Variants in STK3 observed in about 807,000 individuals in gnomAD.
The protein encoded by STK3 is serine/threonine kinase 3.
STK3 carries 41 observed loss-of-function variants against 58.0 expected under a neutral mutation model. The observed-to-expected ratio is 0.71, with a 90% CI of 0.55 to 0.92. STK3 has a LOEUF of 0.92. Ranked by LOEUF, STK3 falls within the 40% of genes least tolerant of loss-of-function variation. STK3 has a pLI of 0.00. For synonymous variants in STK3, 170 were observed against 191.0 expected, an observed-to-expected ratio of 0.89 and a Z score of 0.91; for missense variants, 479 against 602.7, an observed-to-expected ratio of 0.79 and a Z score of 2.15.
At chr8:98,590,462 G>T (rs768596288) in intron 7 of STK3, among the ~76,000 whole-genome samples, 1 of 152,298 alleles carries the variant, frequency 6.6e-6, no homozygotes, top group Non-Finnish European at 1.5e-5. Context: ...GAGTTCCAGG[G>T]GCTCTGGGAG....
At chr8:98,508,580 A>G (rs149305375) in intron 10 of STK3, among the ~76,000 whole-genome samples, 11 of 152,330 alleles carry the variant, frequency 7.2e-5, no homozygotes, top group African/African-American at 2.6e-4. Context: ...AAAACTGTAT[A>G]TGTACTAAAC....
intron 4 of STK3, among the ~76,000 whole-genome samples, chr8:98,716,523 A>T (rs988040418): frequency 1.3e-5 from 2 of 152,116 alleles, no homozygotes; most frequent in African/African-American, 2.4e-5. Context: ...CTGAAAAAAA[A>T]TTTTAGGACA....
intron 10 of STK3, among the ~76,000 whole-genome samples, chr8:98,484,447 C>T (rs527943097): frequency 8.6e-5 from 13 of 151,908 alleles, no homozygotes; most frequent in Non-Finnish European, 1.5e-4. Context: ...ACTCTGAACC[C>T]CCAGCTACCA....
At chr8:98,631,718 G>A (rs1396217164) in intron 6 of STK3, among the ~76,000 whole-genome samples, 1 of 152,112 alleles carries the variant, frequency 6.6e-6, no homozygotes, top group African/African-American at 2.4e-5. Context: ...AGGCTAGAGG[G>A]CAGTGGCACG....
At chr8:98,578,651 CTG>C (rs761121582) in intron 8 of STK3, among the ~76,000 whole-genome samples, 4 of 152,126 alleles carry the variant, frequency 2.6e-5, no homozygotes, top group Admixed American at 1.3e-4. Flanking sequence ...TATACAGAAA[CTG>C]TAAGATTTTT....
chr8:98,875,205 T>G (rs1837524519), intron 3 of STK3: 1 of 152,204 alleles, frequency 6.6e-6, no homozygotes, highest in Non-Finnish European at 1.5e-5. Flanking sequence ...TTCCCATCAA[T>G]AGACCCAGAC....
intron 1 of STK3, among the ~76,000 whole-genome samples, chr8:98,885,479 G>A (rs778643343): frequency 1.9e-4 from 29 of 152,156 alleles, no homozygotes; most frequent in Non-Finnish European, 3.4e-4. Flanking sequence ...CATTCTTGTT[G>A]CCCAGGCTGG....
chr8:98,728,632 G>C (rs1050728947), intron 4 of STK3, among the ~76,000 whole-genome samples: 1 of 152,108 alleles, frequency 6.6e-6, no homozygotes, highest in African/African-American at 2.4e-5. Context: ...CTGAAAAAGA[G>C]ATCAGAAGAC....
At chr8:98,774,528 T>C (rs1831533061) in intron 2 of STK3, among the ~76,000 whole-genome samples, 2 of 151,848 alleles carry the variant, frequency 1.3e-5, no homozygotes, top group Non-Finnish European at 1.5e-5. Flanking sequence ...TTTTCCCTTA[T>C]ATATATATAT....
At chr8:98,355,542 G>A in the STK3 span, among the ~76,000 whole-genome samples, 1 of 152,260 alleles carries the variant, frequency 6.6e-6, no homozygotes, top group African/African-American at 2.4e-5. Flanking sequence ...ATCTCTATGA[G>A]AAGTTTGGGT....
At chr8:98,400,927 C>T (rs1221439887), downstream of STK3, among the ~76,000 whole-genome samples, 2 of 152,126 alleles carry the variant, frequency 1.3e-5, no homozygotes, top group African/African-American at 4.8e-5. Flanking sequence ...TATGTTCATT[C>T]CAGAACTTTG....
intron 8 of STK3, among the ~76,000 whole-genome samples, chr8:98,567,712 G>A (rs1011123877): frequency 2.0e-5 from 3 of 151,892 alleles, no homozygotes; most frequent in African/African-American, 4.8e-5. Context: ...TGAAATATAC[G>A]GAGGGTTTTA....
chr8:98,751,897 G>T (rs1830010140), intron 3 of STK3, among the ~76,000 whole-genome samples: 1 of 151,918 alleles, frequency 6.6e-6, no homozygotes, highest in African/African-American at 2.4e-5. Context: ...CTGAGATTGT[G>T]TCACTGCACT....
intron 6 of STK3, among the ~76,000 whole-genome samples, chr8:98,665,697 A>G (rs1822289148): frequency 1.4e-5 from 2 of 144,898 alleles, no homozygotes; most frequent in Non-Finnish European, 1.5e-5. Context: ...CACACCCAGT[A>G]CCCATCCTGA....
In STK3 at chr8:98,801,845, G is replaced by A. The variant is rs77362518; in HGVS notation, c.26+23670C>T. 2.8e-3 allele frequency among the ~76,000 whole-genome samples: 419 copies of A among 151,964 alleles called. 2 individuals are homozygous for A. Among genetic ancestry groups the A allele is most frequent in the Non-Finnish European group, 4.3e-3 (292 of 67,976 alleles). On this transcript the variant is annotated intron_variant, in intron 1 of 10. Transcript: ENST00000419617. Reference sequence around the variant, plus strand: ...TCTAGCACTTCAAAACAGTAAGCTTGTTGTATCTCATTTTTGTTGTTTCCT... The same window carrying A: ...TCTAGCACTTCAAAACAGTAAGCTTATTGTATCTCATTTTTGTTGTTTCCT...
chr8:98,357,929 G>A, the STK3 span, among the ~76,000 whole-genome samples: 1 of 152,128 alleles, frequency 6.6e-6, no homozygotes, highest in Non-Finnish European at 1.5e-5. Context: ...CTGGGGCTCA[G>A]CTTCAGCTAC....
At chr8:98,603,295 G>A (rs993552386) in intron 6 of STK3, 3 of 151,834 alleles carry the variant, frequency 2.0e-5, no homozygotes, top group Admixed American at 2.0e-4. Flanking sequence ...GGAGTGCAGT[G>A]ACATGATCTA....
intron 1 of STK3, among the ~76,000 whole-genome samples, chr8:98,776,615 TATA>T (rs1372491571): frequency 1.3e-5 from 2 of 152,178 alleles, no homozygotes; most frequent in Admixed American, 1.3e-4. Flanking sequence ...TAGAATGCTG[TATA>T]TGCTATTGTC....
In STK3 at chr8:98,526,828, TAC is replaced by T; in HGVS notation, c.1229_1230del (p.Cys410Ter). 6.2e-7 allele frequency: 1 copy of T among 1,602,160 alleles called. No homozygotes were observed. The highest frequency in any genetic ancestry group is 2.2e-5 in the East Asian group (1 of 44,640). ...GGGAAGGGTTCATGCATGTTCTGAT[TAC>T]AGTTTTCGTGACTCTTATTCTTGAA... ...QDFKNKSHEN[C>X]NQNMHEPFPM... On this transcript the variant is annotated frameshift_variant, in exon 10 of 11. Transcript: ENST00000419617. LOFTEE classifies it high-confidence loss of function.
Sources: gnomAD v4.1 joint callset for allele counts (sites outside exome capture counted in the v4.1 genomes callset) on GRCh38, gnomAD v4.1.1 for gene constraint, MANE v1.5 for transcripts, NCBI Gene and HGNC (gene_info 2026-07-23, HGNC 2026-07-21) for gene names.